FHIT: variants seen among roughly 807,000 people sequenced by gnomAD.
The protein encoded by FHIT is bis(5'-adenosyl)-triphosphatase.
In FHIT, 19 loss-of-function variants were observed where a neutral mutation model predicts 17.9. That is an observed-to-expected ratio of 1.06 (90% CI 0.74 to 1.56). FHIT has a LOEUF of 1.56. Ranked by LOEUF, FHIT falls within the 40% of genes most tolerant of loss-of-function variation. The pLI, the probability that FHIT is intolerant of heterozygous loss-of-function variation, is 0.00. For missense variants in FHIT, 248 were observed against 189.2 expected (o/e 1.31, Z -1.82); for synonymous variants, 81 against 69.7 (o/e 1.16, Z -0.81).
chr3:60,695,051 T>TA (rs1320970412), intron 4 of FHIT, among the ~76,000 whole-genome samples: 3 of 152,120 alleles, frequency 2.0e-5, no homozygotes, highest in African/African-American at 7.2e-5. Context: ...CCCTAGAACT[T>TA]AAAGTATAAT....
intron 3 of FHIT, among the ~76,000 whole-genome samples, chr3:61,006,749 G>T (rs1276772568): frequency 3.3e-5 from 5 of 151,448 alleles, no homozygotes; most frequent in Non-Finnish European, 5.9e-5. Context: ...AAGTATTTTT[G>T]AAATAAAATA....
intron 5 of FHIT, among the ~76,000 whole-genome samples, chr3:60,444,621 C>T (rs1470959288): frequency 6.6e-6 from 1 of 152,080 alleles, no homozygotes; most frequent in African/African-American, 2.4e-5. Context: ...CGCATGTTCT[C>T]ACTCATAGCT....
At chr3:59,766,312 C>T (rs1243597040) in intron 8 of FHIT, among the ~76,000 whole-genome samples, 1 of 152,204 alleles carries the variant, frequency 6.6e-6, no homozygotes, top group Non-Finnish European at 1.5e-5. Context: ...CAGTTTTCCT[C>T]AAGATAGGAA....
intron 5 of FHIT, among the ~76,000 whole-genome samples, chr3:60,159,871 T>C (rs1700860744): frequency 6.6e-6 from 1 of 152,040 alleles, no homozygotes; most frequent in Non-Finnish European, 1.5e-5. Flanking sequence ...TGCCTCACAC[T>C]CAACAGCGGC....
At chr3:60,995,517 G>A (rs890798065) in intron 3 of FHIT, among the ~76,000 whole-genome samples, 1 of 152,070 alleles carries the variant, frequency 6.6e-6, no homozygotes, top group African/African-American at 2.4e-5. Flanking sequence ...CATGCTGTAG[G>A]AACACAGTTG....
intron 7 of FHIT, among the ~76,000 whole-genome samples, chr3:59,930,532 C>T (rs1234385112): frequency 1.3e-5 from 2 of 152,104 alleles, no homozygotes; most frequent in East Asian, 3.9e-4. Flanking sequence ...AGGAGCAGCT[C>T]ATGATGGAAG....
At chr3:61,037,848 A>G (rs1475159502) in intron 3 of FHIT, among the ~76,000 whole-genome samples, 1 of 152,176 alleles carries the variant, frequency 6.6e-6, no homozygotes, top group Admixed American at 6.5e-5. Context: ...ATACATTTCT[A>G]TTCATTATAA....
chr3:60,805,587 G>A (rs1208684798), intron 4 of FHIT, among the ~76,000 whole-genome samples: 3 of 151,274 alleles, frequency 2.0e-5, no homozygotes, highest in Non-Finnish European at 4.4e-5. Flanking sequence ...ATGGAGTCTC[G>A]CTCTGTCACC....
At chr3:59,864,088 G>A (rs1280299586) in intron 8 of FHIT, among the ~76,000 whole-genome samples, 1 of 152,146 alleles carries the variant, frequency 6.6e-6, no homozygotes, top group Non-Finnish European at 1.5e-5. Context: ...GCAGATGGCA[G>A]ACAGTGATCG....
intron 1 of FHIT, among the ~76,000 whole-genome samples, chr3:61,219,327 ATGTGTG>A (rs72023729): frequency 0.088 from 12,952 of 146,912 alleles, 1,142 homozygotes; most frequent in East Asian, 0.4. Flanking sequence ...AAATCTAAAA[ATGTGTG>A]TGTGTGTGTG....
chr3:60,777,186 A>G (rs1700239316), intron 4 of FHIT, among the ~76,000 whole-genome samples: 1 of 152,212 alleles, frequency 6.6e-6, no homozygotes, highest in African/African-American at 2.4e-5. Context: ...TGTGAGCCAC[A>G]TATGAGTGAC....
chr3:60,670,229 A>C (rs927811391), intron 4 of FHIT, among the ~76,000 whole-genome samples: 4 of 152,184 alleles, frequency 2.6e-5, no homozygotes, highest in Non-Finnish European at 5.9e-5. Flanking sequence ...GTGTAGGAAG[A>C]CTGTAATTCT....
intron 7 of FHIT, among the ~76,000 whole-genome samples, chr3:59,981,417 T>C (rs899126057): frequency 2.6e-5 from 4 of 152,160 alleles, no homozygotes; most frequent in African/African-American, 9.7e-5. Context: ...ATTGCTTCTG[T>C]GACAAATTCA....
chr3:60,321,947 G>C (rs1709452940), intron 5 of FHIT, among the ~76,000 whole-genome samples: 1 of 152,146 alleles, frequency 6.6e-6, no homozygotes, highest in African/African-American at 2.4e-5. Context: ...CTTCCCAGAA[G>C]GTCCTACCTC....
intron 5 of FHIT, among the ~76,000 whole-genome samples, chr3:60,200,516 GA>G (rs746233400): frequency 3.0e-4 from 46 of 152,098 alleles, no homozygotes; most frequent in Non-Finnish European, 5.4e-4. Context: ...TATAAAATGG[GA>G]AAAATTAATT....
chr3:59,824,055 A>G (rs941842727), intron 8 of FHIT, among the ~76,000 whole-genome samples: 20 of 152,106 alleles, frequency 1.3e-4, no homozygotes, highest in African/African-American at 4.8e-4. Flanking sequence ...ACTGACAGCA[A>G]CCTAGTTGAG....
intron 5 of FHIT, among the ~76,000 whole-genome samples, chr3:60,119,138 A>G (rs962766917): frequency 2.6e-5 from 4 of 151,878 alleles, no homozygotes; most frequent in African/African-American, 9.7e-5. Flanking sequence ...CAATGGCACA[A>G]TCTCAGCTCA....
At chr3:59,949,293 C>T (rs965655409) in intron 7 of FHIT, among the ~76,000 whole-genome samples, 3 of 152,124 alleles carry the variant, frequency 2.0e-5, no homozygotes, top group Non-Finnish European at 4.4e-5. Flanking sequence ...ACCTTTTATC[C>T]TGTCTATCTT....
At chr3:61,012,563 T>C (rs1218659493) in intron 3 of FHIT, among the ~76,000 whole-genome samples, 1 of 152,060 alleles carries the variant, frequency 6.6e-6, no homozygotes, top group African/African-American at 2.4e-5. Flanking sequence ...GGGATTGTGC[T>C]AAATCCTGTT....
Sources: gnomAD v4.1 joint callset for allele counts (sites outside exome capture counted in the v4.1 genomes callset) on GRCh38, gnomAD v4.1.1 for gene constraint, MANE v1.5 for transcripts, NCBI Gene and HGNC (gene_info 2026-07-23, HGNC 2026-07-21) for gene names.